ARHGAP26: variants seen among roughly 807,000 people sequenced by gnomAD.
ARHGAP26 encodes rho GTPase-activating protein 26.
Under a neutral mutation model 104.8 loss-of-function variants are expected in ARHGAP26, and 38 were observed. The observed-to-expected ratio is 0.36, with a 90% CI of 0.28 to 0.48. The LOEUF (loss-of-function observed/expected upper bound fraction) is 0.48, where lower values mean the gene tolerates loss of function less well. ARHGAP26 is among the 20% of genes least tolerant of loss of function. The pLI, the probability that ARHGAP26 is intolerant of heterozygous loss-of-function variation, is 0.99. For synonymous variants in ARHGAP26, 341 were observed against 340.0 expected, an observed-to-expected ratio of 1.00 and a Z score of -0.03; for missense variants, 704 against 947.9, an observed-to-expected ratio of 0.74 and a Z score of 3.38.
chr5:143,000,109 A>G (rs1776992510), intron 11 of ARHGAP26, among the ~76,000 whole-genome samples: 1 of 152,218 alleles, frequency 6.6e-6, no homozygotes, highest in Admixed American at 6.5e-5. Context: ...TGACAACACA[A>G]TGAAAAGATT....
At chr5:142,893,610 A>G (rs1227639577) in intron 5 of ARHGAP26, among the ~76,000 whole-genome samples, 3 of 152,206 alleles carry the variant, frequency 2.0e-5, no homozygotes, top group African/African-American at 4.8e-5. Flanking sequence ...TTGGATAAAT[A>G]CCAAGTAGTG....
At chr5:142,776,958 C>G (rs917618918) in intron 1 of ARHGAP26, among the ~76,000 whole-genome samples, 6 of 152,168 alleles carry the variant, frequency 3.9e-5, no homozygotes, top group Non-Finnish European at 5.9e-5. Flanking sequence ...TGTAGCCACT[C>G]TAGTGGGTGT....
chr5:143,023,186 T>G (rs1780580154), intron 12 of ARHGAP26, among the ~76,000 whole-genome samples: 1 of 152,250 alleles, frequency 6.6e-6, no homozygotes, highest in South Asian at 2.1e-4. Flanking sequence ...CTCATCCTTC[T>G]TTAGGCCGTC....
At chr5:142,970,096 A>G (rs891990605) in intron 11 of ARHGAP26, among the ~76,000 whole-genome samples, 6 of 152,244 alleles carry the variant, frequency 3.9e-5, no homozygotes, top group African/African-American at 1.4e-4. Context: ...AAGCAGATGA[A>G]CAGGGTGCAT....
chr5:143,052,834 G>C (rs901931340), intron 14 of ARHGAP26, among the ~76,000 whole-genome samples: 3 of 152,120 alleles, frequency 2.0e-5, no homozygotes, highest in Admixed American at 1.3e-4. Flanking sequence ...CAGCTGAAAG[G>C]CTGTTGGTCC....
At chr5:142,821,146 C>T (rs1038006466) in intron 1 of ARHGAP26, among the ~76,000 whole-genome samples, 11 of 152,086 alleles carry the variant, frequency 7.2e-5, no homozygotes, top group Admixed American at 4.6e-4. Context: ...TATCCCCTAT[C>T]TTTAAGGCAT....
chr5:143,051,609 G>A (rs1785035058), intron 14 of ARHGAP26, among the ~76,000 whole-genome samples: 1 of 152,200 alleles, frequency 6.6e-6, no homozygotes, highest in Non-Finnish European at 1.5e-5. Context: ...TGTAGCTTGG[G>A]AGGCTGTATT....
intron 1 of ARHGAP26, among the ~76,000 whole-genome samples, chr5:142,806,228 G>T (rs1046089686): frequency 6.6e-6 from 1 of 152,142 alleles, no homozygotes; most frequent in African/African-American, 2.4e-5. Context: ...AAGGAGCTGG[G>T]ACCACGGGCA....
At chr5:143,137,789 C>T (rs1050757098) in intron 19 of ARHGAP26, among the ~76,000 whole-genome samples, 3 of 152,160 alleles carry the variant, frequency 2.0e-5, no homozygotes, top group African/African-American at 7.2e-5. Context: ...TAGGTATTTC[C>T]CTCAAAGAGA....
intron 18 of ARHGAP26, 27 bp from the exon 19 acceptor site, chr5:143,133,939 TA>T: frequency 6.3e-7 from 1 of 1,592,602 alleles, no homozygotes; most frequent in Non-Finnish European, 8.6e-7. Context: ...CAGATGTGAG[TA>T]ACCTTGTTGT....
intron 17 of ARHGAP26, among the ~76,000 whole-genome samples, chr5:143,114,240 C>G (rs1443289255): frequency 2.0e-5 from 3 of 152,184 alleles, no homozygotes; most frequent in Non-Finnish European, 4.4e-5. Flanking sequence ...ATGTATCTGA[C>G]ACCCTCATTC....
intron 17 of ARHGAP26, among the ~76,000 whole-genome samples, chr5:143,081,933 C>T (rs1789877838): frequency 6.6e-6 from 1 of 150,548 alleles, no homozygotes; most frequent in African/African-American, 2.5e-5. Flanking sequence ...TGGCATGAAC[C>T]CGGGAGGTGG....
chr5:143,045,873 C>T (rs1784153461), intron 14 of ARHGAP26, among the ~76,000 whole-genome samples: 1 of 152,196 alleles, frequency 6.6e-6, no homozygotes, highest in South Asian at 2.1e-4. Context: ...GTGGCTCACA[C>T]CTGTAATCCC....
intron 1 of ARHGAP26, among the ~76,000 whole-genome samples, chr5:142,849,186 T>C (rs1404629117): frequency 2.6e-5 from 4 of 152,218 alleles, no homozygotes; most frequent in Non-Finnish European, 5.9e-5. Flanking sequence ...ATTTGAAAGA[T>C]TGAAACCATC....
intron 1 of ARHGAP26, among the ~76,000 whole-genome samples, chr5:142,864,599 T>C (rs1409840086): frequency 6.6e-6 from 1 of 152,134 alleles, no homozygotes; most frequent in Admixed American, 6.5e-5. Context: ...GAGGCAAAAA[T>C]TGCTTAATTG....
intron 1 of ARHGAP26, chr5:142,860,553 G>C (rs751101717): frequency 2.0e-5 from 3 of 152,210 alleles, no homozygotes; most frequent in Non-Finnish European, 2.9e-5. Context: ...CAGGTGCCAT[G>C]AGCTGGGTTT....
chr5:143,185,547 T>G (rs959842842), intron 20 of ARHGAP26, among the ~76,000 whole-genome samples: 2 of 152,228 alleles, frequency 1.3e-5, no homozygotes, highest in Admixed American at 1.3e-4. Context: ...TCCTTGTTTA[T>G]TTTTGCTTTT....
At chr5:142,851,696 T>C (rs965289031) in intron 1 of ARHGAP26, among the ~76,000 whole-genome samples, 1 of 152,144 alleles carries the variant, frequency 6.6e-6, no homozygotes, top group Non-Finnish European at 1.5e-5. Flanking sequence ...TCCCTCCCGT[T>C]TTACACTGGT....
chr5:142,910,570 C>T (rs899932737), intron 9 of ARHGAP26, among the ~76,000 whole-genome samples: 1 of 152,100 alleles, frequency 6.6e-6, no homozygotes, highest in Non-Finnish European at 1.5e-5. Flanking sequence ...GAAACCCCAT[C>T]TCTAATGAAA....
Sources: allele counts gnomAD v4.1 joint callset (sites outside exome capture counted in the v4.1 genomes callset), GRCh38; gene constraint gnomAD v4.1.1; transcripts MANE v1.5; gene names NCBI Gene and HGNC (gene_info 2026-07-23, HGNC 2026-07-21).